PCDH15: variants seen among roughly 807,000 people sequenced by gnomAD.
PCDH15 encodes the protein protocadherin-15.
Under a neutral mutation model 178.5 loss-of-function variants are expected in PCDH15, and 129 were observed. The observed-to-expected ratio is 0.72, with a 90% confidence interval of 0.63 to 0.84. The LOEUF (loss-of-function observed/expected upper bound fraction) is 0.84. Ranked by LOEUF, PCDH15 falls within the 40% of genes least tolerant of loss-of-function variation. The pLI, the probability that PCDH15 is intolerant of heterozygous loss-of-function variation, is 0.00. For synonymous variants in PCDH15, 800 were observed against 732.0 expected (o/e 1.09, Z -1.50); for missense variants, 2,230 against 2,099.9 (o/e 1.06, Z -1.21).
chr10:54,787,560 T>A (rs1951005994), intron 1 of PCDH15, among the ~76,000 whole-genome samples: 1 of 151,972 alleles, frequency 6.6e-6, no homozygotes, highest in Non-Finnish European at 1.5e-5. Flanking sequence ...ACCTCTATAT[T>A]ATCTAAAAGT....
Position 55,503,340 on chromosome 10 carries a change from T to C in PCDH15, c.-156+124285A>G, listed in dbSNP as rs1840695568. ...TTCTAATTTTAAAATTAAGTTTTAT[T>C]AATTAAAATAAATTTAAATATAAAA... On this transcript the variant is annotated intron_variant, in intron 2 of 5. Coordinates refer to the PCDH15 transcript ENST00000613346. Among the ~76,000 whole-genome samples, 3 of 148,922 alleles carry C rather than the reference T, an allele frequency of 2.0e-5. No individual in the cohort carries two copies. In the Admixed American group the frequency reaches 2.0e-4, roughly 10 times the overall value.
intron 2 of PCDH15, among the ~76,000 whole-genome samples, chr10:54,595,164 C>T (rs968091113): frequency 6.6e-5 from 10 of 152,210 alleles, no homozygotes; most frequent in African/African-American, 2.4e-4. Context: ...CATCCCACTA[C>T]GACTGTCCTA....
At chr10:54,229,200 G>A (rs867850435) in intron 9 of PCDH15, among the ~76,000 whole-genome samples, 13 of 152,232 alleles carry the variant, frequency 8.5e-5, no homozygotes, top group East Asian at 1.9e-4. Flanking sequence ...GGTCAAAACC[G>A]TGGAGATCCA....
chr10:54,906,040 G>A (rs1375972497), intron 2 of PCDH15, among the ~76,000 whole-genome samples: 1 of 152,090 alleles, frequency 6.6e-6, no homozygotes, highest in African/African-American at 2.4e-5. Flanking sequence ...AGGAGGAAAA[G>A]GCAAAATCTT....
At chr10:55,235,650 T>C (rs1841359435) in intron 1 of PCDH15, among the ~76,000 whole-genome samples, 1 of 152,038 alleles carries the variant, frequency 6.6e-6, no homozygotes, top group South Asian at 2.1e-4. Context: ...CTCAGGCCTG[T>C]AATCCCAGCA....
At chr10:55,602,212 C>A (rs1159656649) in intron 2 of PCDH15, among the ~76,000 whole-genome samples, 2 of 152,168 alleles carry the variant, frequency 1.3e-5, no homozygotes, top group Non-Finnish European at 2.9e-5. Context: ...CGAGATTATA[C>A]CCCGCACCTG....
At chr10:54,990,464 C>A (rs899819678) in intron 2 of PCDH15, among the ~76,000 whole-genome samples, 9 of 152,054 alleles carry the variant, frequency 5.9e-5, no homozygotes, top group African/African-American at 2.2e-4. Flanking sequence ...ACTCATCTAT[C>A]TAGTTATAAA....
intron 1 of PCDH15, among the ~76,000 whole-genome samples, chr10:54,693,573 T>C (rs2095167956): frequency 6.6e-6 from 1 of 152,142 alleles, no homozygotes; most frequent in Non-Finnish European, 1.5e-5. Context: ...TCTAACTTGG[T>C]TTCTGAATGA....
At chr10:53,905,566 A>T (rs548556073) in intron 25 of PCDH15, among the ~76,000 whole-genome samples, 1 of 152,032 alleles carries the variant, frequency 6.6e-6, no homozygotes, top group East Asian at 1.9e-4. Flanking sequence ...CGAACTCCTG[A>T]CCTCAGGTGA....
At chr10:55,197,313 T>C (rs1242342622) in intron 1 of PCDH15, among the ~76,000 whole-genome samples, 1 of 152,054 alleles carries the variant, frequency 6.6e-6, no homozygotes, top group East Asian at 1.9e-4. Flanking sequence ...TATCTCTATT[T>C]ATTCAATAAA....
At chr10:54,118,869 A>G (rs1298390272) in intron 15 of PCDH15, among the ~76,000 whole-genome samples, 1 of 152,002 alleles carries the variant, frequency 6.6e-6, no homozygotes, top group Non-Finnish European at 1.5e-5. Flanking sequence ...AACTCTGTGA[A>G]CTTTAAGAAG....
chr10:54,869,500 A>G (rs1953997345), intron 3 of PCDH15, among the ~76,000 whole-genome samples: 1 of 152,176 alleles, frequency 6.6e-6, no homozygotes, highest in African/African-American at 2.4e-5. Flanking sequence ...GTGTATGTAG[A>G]GAATAGGGGT....
intron 2 of PCDH15, among the ~76,000 whole-genome samples, chr10:55,514,695 C>CT (rs1840968792): frequency 3.9e-5 from 6 of 152,064 alleles, no homozygotes; most frequent in Admixed American, 1.3e-4. Flanking sequence ...GGGACAGGAC[C>CT]TTTTGATAAG....
intron 1 of PCDH15, among the ~76,000 whole-genome samples, chr10:54,679,899 T>C (rs1251756859): frequency 1.3e-5 from 2 of 152,224 alleles, no homozygotes; most frequent in Non-Finnish European, 2.9e-5. Context: ...TTGGGTATAA[T>C]TTTAATTCTT....
At position 54,418,533 on chromosome 10, in the gene PCDH15, G is replaced by A. The variant is rs890260576; in HGVS notation, c.158-39591C>T. Among the ~76,000 whole-genome samples, 3 of 151,720 alleles carry A rather than the reference G, an allele frequency of 2.0e-5. No homozygotes were observed. In the South Asian group the frequency reaches 6.3e-4, roughly 32 times the overall value. On this transcript the variant is annotated intron_variant, in intron 3 of 37. Transcript: ENST00000644397. ...TTGTAGTGTAAGTAAAATTACATTC[G>A]GTATGACAGAAGACAAATTACAGTA...
At chr10:55,362,807 A>G (rs1175413344) in intron 2 of PCDH15, among the ~76,000 whole-genome samples, 1 of 152,090 alleles carries the variant, frequency 6.6e-6, no homozygotes, top group Non-Finnish European at 1.5e-5. Flanking sequence ...TTCCTAATCT[A>G]TAGAAATCAC....
At chr10:53,858,328 G>C (rs2078890594) in intron 27 of PCDH15, among the ~76,000 whole-genome samples, 1 of 151,890 alleles carries the variant, frequency 6.6e-6, no homozygotes, top group Non-Finnish European at 1.5e-5. Context: ...CCCCATTAGG[G>C]GTCACAAACT....
At position 54,482,569 on chromosome 10, in the gene PCDH15, C is replaced by T. The variant is rs147407872; in HGVS notation, c.157+45243G>A. On this transcript the variant is annotated intron_variant, in intron 3 of 37. Transcript: ENST00000644397. ...TCAATAATAAGCAATGCTACTTGCACCTCAATTTCTCAGAAGGTGTTCAGG... is the reference window on the plus strand; with the variant it reads ...TCAATAATAAGCAATGCTACTTGCATCTCAATTTCTCAGAAGGTGTTCAGG... Among the ~76,000 whole-genome samples, 3 of 151,730 alleles carry T rather than the reference C, an allele frequency of 2.0e-5. No homozygotes were observed. The East Asian group carries it at 5.8e-4, about 29-fold the overall frequency.
At chr10:54,997,119 A>AAG in intron 2 of PCDH15, among the ~76,000 whole-genome samples, 1 of 151,584 alleles carries the variant, frequency 6.6e-6, no homozygotes. Flanking sequence ...CTCAAAAAAA[A>AAG]AAAAAATCAA....
Sources: allele counts gnomAD v4.1 joint callset (sites outside exome capture counted in the v4.1 genomes callset), GRCh38; gene constraint gnomAD v4.1.1; transcripts MANE v1.5; gene names NCBI Gene and HGNC (gene_info 2026-07-23, HGNC 2026-07-21).